The following SPATA18 variants were observed in gnomAD, a reference collection of about 807,000 sequenced individuals.
The protein encoded by SPATA18 is spermatogenesis associated 18, also known as mitochondria-eating protein.
Under a neutral mutation model 68.1 loss-of-function variants are expected in SPATA18, and 54 were observed. The observed-to-expected ratio is 0.79, with a 90% CI of 0.64 to 0.99. The LOEUF is 0.99. Ranked by LOEUF, SPATA18 falls within the 50% of genes least tolerant of loss-of-function variation. The pLI, the probability that SPATA18 is intolerant of heterozygous loss-of-function variation, is 0.00. For missense variants in SPATA18, 724 were observed against 681.1 expected (o/e 1.06, Z -0.70); for synonymous variants, 242 against 244.8 (o/e 0.99, Z 0.11).
intron 6 of SPATA18, 27 bp downstream of exon 6, chr4:52,072,183 C>T: frequency 6.2e-7 from 1 of 1,609,882 alleles, no homozygotes; most frequent in Non-Finnish European, 8.5e-7. Context: ...AAGATCTTCT[C>T]ATTTAGGCTC....
chr4:52,085,932 C>T (rs1200928329), intron 11 of SPATA18, among the ~76,000 whole-genome samples: 1 of 151,906 alleles, frequency 6.6e-6, no homozygotes, highest in Non-Finnish European at 1.5e-5. Flanking sequence ...AAACAAAACT[C>T]CCCAAAACAT....
chr4:52,078,126 G>T (rs992255551), intron 7 of SPATA18, among the ~76,000 whole-genome samples: 5 of 149,504 alleles, frequency 3.3e-5, no homozygotes, highest in Non-Finnish European at 7.4e-5. Context: ...AAAAAAGACA[G>T]AAACTGTATG....
chr4:52,084,494 A>G (rs7696028), intron 10 of SPATA18, among the ~76,000 whole-genome samples: 2 of 152,028 alleles, frequency 1.3e-5, no homozygotes, highest in Non-Finnish European at 2.9e-5. Context: ...CATTCATCCA[A>G]TGATATTTAT....
In SPATA18 at chr4:52,094,545, C is replaced by T. The variant is rs1242968271; in HGVS notation, c.1582C>T (p.Pro528Ser). 3 of 1,613,468 alleles carry T rather than the reference C, an allele frequency of 1.9e-6. No individual in the cohort carries two copies. The highest frequency in any genetic ancestry group is 1.7e-5 in the Admixed American group (1 of 59,852). ...GLNTMSRSRSPSPIRCGLPRF is the reference protein window; with the variant it reads ...GLNTMSRSRSSSPIRCGLPRF Reference sequence around the variant, plus strand: ...TTTCCAGATGTCTCGAAGTCGGAGTCCTTCTCCAATAAGATGTGGATTGCC... The same window carrying T: ...TTTCCAGATGTCTCGAAGTCGGAGTTCTTCTCCAATAAGATGTGGATTGCC... Residue 528 changes from proline to serine, a missense_variant, in exon 12 of 13, where the codon CCT becomes TCT. Physicochemically the swap from Pro to Ser is moderately conservative, Grantham distance 74 (BLOSUM62 -1). Coordinates refer to ENST00000295213, the MANE Select transcript of SPATA18 (RefSeq NM_145263.4).
At chr4:52,079,343 A>G (rs1740704398) in intron 8 of SPATA18, among the ~76,000 whole-genome samples, 1 of 152,224 alleles carries the variant, frequency 6.6e-6, no homozygotes, top group African/African-American at 2.4e-5. Context: ...TTTGCTTAGC[A>G]CAAGACATGG....
intron 11 of SPATA18, among the ~76,000 whole-genome samples, chr4:52,093,178 A>C (rs932123634): frequency 6.6e-5 from 10 of 152,228 alleles, no homozygotes; most frequent in African/African-American, 2.4e-4. Flanking sequence ...GATTATTATG[A>C]TTTAAACAGA....
intron 9 of SPATA18, among the ~76,000 whole-genome samples, chr4:52,081,697 A>G (rs1002867806): frequency 2.0e-5 from 3 of 152,182 alleles, no homozygotes; most frequent in African/African-American, 4.8e-5. Context: ...ACTAAACCAT[A>G]TATCTCCTCT....
At position 52,095,111 on chromosome 4, in the gene SPATA18, A is replaced by G; in HGVS notation, c.*224A>G. On this transcript the variant is annotated 3_prime_UTR_variant, in exon 13 of 13. Transcript: ENST00000295213. ...TATAGATACTAATTCCATTAATTTC[A>G]TAAAAATGATTGTATAGGCATTTAG... The G allele has an allele frequency of 1.7e-6, 1 of 573,046 alleles. No homozygotes were observed. 35.5% of individuals were successfully genotyped at this position (573,046 alleles called of 1,614,324 possible).
chr4:52,063,676 G>T (rs181907775), intron 4 of SPATA18, among the ~76,000 whole-genome samples: 55 of 152,160 alleles, frequency 3.6e-4, no homozygotes, highest in African/African-American at 1.2e-3. Context: ...CTCTCATGGG[G>T]TCTCCCTTCC....
chr4:52,082,954 G>A (rs1219989992), intron 10 of SPATA18: 1 of 985,282 alleles, frequency 1.0e-6, no homozygotes, highest in Non-Finnish European at 1.2e-6. Context: ...GGTATGATGT[G>A]TATGGAGGGG....
chr4:52,084,458 C>A (rs1454220989), intron 10 of SPATA18, among the ~76,000 whole-genome samples: 2 of 152,182 alleles, frequency 1.3e-5, no homozygotes, highest in Non-Finnish European at 2.9e-5. Context: ...AGTTAGAAAG[C>A]AGATAGGCAG....
chr4:52,069,375 A>AT lies in SPATA18; in HGVS notation c.423-439dup, dbSNP rs552072892. ...TGAGGACTTTATAGGTGGGCACATA[A>AT]TTTTTTTAAATATTGAAGAAGTCTG... On this transcript the variant is annotated intron_variant, in intron 4 of 12. Coordinates refer to ENST00000295213, the MANE Select transcript of SPATA18 (RefSeq NM_145263.4). Among the ~76,000 whole-genome samples the AT allele has an allele frequency of 6.7e-4, 102 of 152,276 alleles. 1 individual carries two copies. The highest frequency in any genetic ancestry group is 1.1e-3 in the Non-Finnish European group (78 of 68,022).
chr4:52,079,759 A>G lies in SPATA18; in HGVS notation c.1195A>G (p.Met399Val). Reference sequence around the variant, plus strand: ...TGTTTTTCAGGATGTGATCCGAGCCATGAATGTCAATCCCAAGATTTCATT... The same window carrying G: ...TGTTTTTCAGGATGTGATCCGAGCCGTGAATGTCAATCCCAAGATTTCATT... ...QSSVNDVIRA[M>V]NVNPKISFPP... The change falls in exon 9 of 13, where the codon ATG (methionine) becomes GTG (valine). Residue 399 changes from methionine to valine, a missense_variant. Physicochemically the swap from Met to Val is conservative, Grantham distance 21. Coordinates refer to ENST00000295213, the MANE Select transcript of SPATA18 (RefSeq NM_145263.4). The G allele has an allele frequency of 6.2e-7, 1 of 1,613,982 alleles. No homozygotes were observed. The highest frequency in any genetic ancestry group is 8.5e-7 in the Non-Finnish European group (1 of 1,179,880).
chr4:52,086,266 T>G (rs1266619441), intron 11 of SPATA18, among the ~76,000 whole-genome samples: 1 of 152,120 alleles, frequency 6.6e-6, no homozygotes, highest in African/African-American at 2.4e-5. Context: ...CTTACTGACT[T>G]TTTTCTTTTA....
chr4:52,066,320 T>G (rs1472412629), intron 4 of SPATA18, among the ~76,000 whole-genome samples: 2 of 151,898 alleles, frequency 1.3e-5, no homozygotes, highest in Admixed American at 6.6e-5. Flanking sequence ...CTGGCTAATT[T>G]TTTGTATTTT....
chr4:52,052,625 C>T (rs1359039439), intron 1 of SPATA18, among the ~76,000 whole-genome samples: 1 of 152,206 alleles, frequency 6.6e-6, no homozygotes, highest in African/African-American at 2.4e-5. Context: ...CCCCTTGTTT[C>T]TACATTTGGC....
intron 4 of SPATA18, among the ~76,000 whole-genome samples, chr4:52,064,102 G>C (rs1739119122): frequency 6.6e-6 from 1 of 151,906 alleles, no homozygotes; most frequent in Non-Finnish European, 1.5e-5. Flanking sequence ...AAATCTGCTA[G>C]AATAGCGCTA....
Position 52,093,477 on chromosome 4 carries a change from C to G in SPATA18, c.1564-1050C>G, listed in dbSNP as rs1266955310. 3.3e-5 allele frequency among the ~76,000 whole-genome samples: 5 copies of G among 152,086 alleles called. No homozygotes were observed. The East Asian group carries it at 9.6e-4, about 29-fold the overall frequency. ...ATGCATCTGGCACAATCCTTTTGCT[C>G]TTAGAGATTTTCATATAGCATCATT... On this transcript the variant is annotated intron_variant, in intron 11 of 12. Coordinates refer to ENST00000295213, the MANE Select transcript of SPATA18 (RefSeq NM_145263.4).
rs376481625 is a variant in SPATA18 at position 52,071,988 on chromosome 4, G to A, written c.590G>A (p.Arg197Gln). ...NTDQRSSENR[R>Q]SEPWSLEERK... The stretch of plus-strand genomic sequence containing the variant: ...GATCAGAGGAGCTCAGAGAATAGGC[G>A]GTCAGAGCCTTGGAGCTTGGAGGAG... Residue 197 changes from arginine to glutamine, a missense_variant, in exon 6 of 13, where the codon CGG (arginine) becomes CAG (glutamine). Coordinates refer to ENST00000295213, the MANE Select transcript of SPATA18 (RefSeq NM_145263.4). The A allele has an allele frequency of 3.2e-5, 51 of 1,613,904 alleles. No individual in the cohort carries two copies. The highest frequency in any genetic ancestry group is 4.2e-5 in the Non-Finnish European group (50 of 1,180,008).
Sources: allele counts gnomAD v4.1 joint callset (sites outside exome capture counted in the v4.1 genomes callset), GRCh38; gene constraint gnomAD v4.1.1; transcripts MANE v1.5; gene names NCBI Gene and HGNC (gene_info 2026-07-23, HGNC 2026-07-21).